LRRC27: variants seen among roughly 807,000 people sequenced by gnomAD.
LRRC27 encodes the protein leucine-rich repeat-containing protein 27.
LRRC27 carries 57 observed loss-of-function variants against 55.0 expected under a neutral mutation model. The observed-to-expected ratio is 1.04, with a 90% CI of 0.84 to 1.29. The LOEUF (loss-of-function observed/expected upper bound fraction) is 1.29, where lower values mean the gene tolerates loss of function less well. Among genes scored for constraint, LRRC27 ranks in the 50% most tolerant of loss-of-function variants. LRRC27 has a pLI of 0.00. For synonymous variants in LRRC27, 278 were observed against 251.9 expected (o/e 1.10, Z -0.98); for missense variants, 721 against 651.5 (o/e 1.11, Z -1.16).
chr10:132,337,590 T>C lies in LRRC27; in HGVS notation c.236T>C (p.Leu79Pro). The C allele has an allele frequency of 6.2e-7, 1 of 1,614,184 alleles. No homozygotes were observed. The highest frequency in any genetic ancestry group is 1.1e-5 in the South Asian group (1 of 91,078). The change falls in exon 3 of 11, where the codon CTG (leucine) becomes CCG (proline). Residue 79 changes from leucine to proline, a missense_variant. By Grantham distance (98) the Leu-to-Pro change is moderately conservative (BLOSUM62 -3). Coordinates refer to ENST00000368614, the MANE Select transcript of LRRC27 (RefSeq NM_030626.3). The stretch of plus-strand genomic sequence containing the variant: ...CAATTGCATCTGCAAAGGAATGCCC[T>C]GTGTGTGATTCCTCAAGATTTCTTT... The part of the protein sequence containing the change: ...LQQLHLQRNA[L>P]CVIPQDFFQL...
At chr10:132,357,504 T>A (rs1391994234) in intron 8 of LRRC27, among the ~76,000 whole-genome samples, 2 of 152,214 alleles carry the variant, frequency 1.3e-5, no homozygotes, top group African/African-American at 4.8e-5. Context: ...TCAGTGATCA[T>A]ATCCACTGGC....
intron 7 of LRRC27, among the ~76,000 whole-genome samples, chr10:132,352,048 T>TC (rs1564839690): frequency 9.5e-5 from 8 of 84,380 alleles, no homozygotes; most frequent in Non-Finnish European, 1.4e-4. Context: ...GGGCAGGCGC[T>TC]GAGGCCTCCG....
intron 3 of LRRC27, among the ~76,000 whole-genome samples, chr10:132,340,407 C>T (rs368332883): frequency 6.6e-6 from 1 of 152,152 alleles, no homozygotes; most frequent in Non-Finnish European, 1.5e-5. Flanking sequence ...CCCAGCAGCA[C>T]GTGAGTGGGC....
At chr10:132,340,693 C>T (rs552469738) in intron 3 of LRRC27, among the ~76,000 whole-genome samples, 5 of 152,054 alleles carry the variant, frequency 3.3e-5, no homozygotes, top group East Asian at 1.9e-4. Context: ...TGGCCAGGCA[C>T]GGTGGCTCAC....
intron 7 of LRRC27, among the ~76,000 whole-genome samples, chr10:132,354,720 CA>C (rs1457903468): frequency 6.6e-6 from 1 of 152,200 alleles, no homozygotes; most frequent in Non-Finnish European, 1.5e-5. Context: ...GCTGTGACCG[CA>C]AGGAAGGAGA....
At chr10:132,331,947 C>A (rs1366476660), upstream of LRRC27, 29 of 568,856 alleles carry the variant, frequency 5.1e-5, no homozygotes, top group Admixed American at 2.0e-4. Flanking sequence ...CCCCCCGCCC[C>A]AGCGCAGGCG....
intron 4 of LRRC27, 117 bp from the exon 5 acceptor site, chr10:132,344,381 C>T (rs1464727330): frequency 1.1e-5 from 12 of 1,126,276 alleles, no homozygotes; most frequent in African/African-American, 1.5e-5. Context: ...GTGATTTTCC[C>T]CCAAATACTG....
chr10:132,336,936 G>T, intron 2 of LRRC27: 2 of 622,652 alleles, frequency 3.2e-6, no homozygotes, highest in African/African-American at 1.9e-5. Context: ...ATTTTACACA[G>T]CTAAAATCAG....
chr10:132,355,417 G>A (rs1468266842), intron 7 of LRRC27, among the ~76,000 whole-genome samples: 7 of 152,138 alleles, frequency 4.6e-5, no homozygotes, highest in Admixed American at 1.3e-4. Flanking sequence ...ACCTTATGTC[G>A]ACAAGTGCCC....
chr10:132,345,934 A>T (rs894996761), intron 5 of LRRC27, among the ~76,000 whole-genome samples: 1 of 152,238 alleles, frequency 6.6e-6, no homozygotes, highest in African/African-American at 2.4e-5. Flanking sequence ...GACAAATATG[A>T]TAAAGGACAT....
At chr10:132,343,515 A>G (rs1050582024) in intron 4 of LRRC27, among the ~76,000 whole-genome samples, 2 of 152,244 alleles carry the variant, frequency 1.3e-5, no homozygotes, top group African/African-American at 2.4e-5. Flanking sequence ...GAAGACTAAA[A>G]ATGGATGACA....
rs980213711 is a variant in LRRC27, at chr10:132,343,110, C to T, written c.400+839C>T. ...ATCCCCTGAAGCCAGGAGTTTGAAA[C>T]CAGCCTGGGTAACATAGTGAGACCC... On this transcript the variant is annotated intron_variant, in intron 4 of 10. Coordinates refer to ENST00000368614, the MANE Select transcript of LRRC27 (RefSeq NM_030626.3). 3.3e-5 allele frequency among the ~76,000 whole-genome samples: 5 copies of T among 152,206 alleles called. No homozygotes were observed. In the South Asian group the frequency reaches 1.0e-3, roughly 32 times the overall value.
intron 3 of LRRC27, among the ~76,000 whole-genome samples, chr10:132,339,098 CGTGGCTGGCCACGGCAGGGCCTGGGT>C (rs1691808190): frequency 6.6e-6 from 1 of 152,152 alleles, no homozygotes; most frequent in South Asian, 2.1e-4. Context: ...GCAGCCTGGG[CGTGGCTGGCCACGGCAGGGCCTGGGT>C]GGGACTTCAG....
At chr10:132,333,328 T>TTTTTA (rs397963683) in intron 1 of LRRC27, 149 bp from the exon 2 acceptor site, 1 of 425,294 alleles carries the variant, frequency 2.4e-6, no homozygotes, top group African/African-American at 2.1e-5. Flanking sequence ...TTTTTTTTTT[T>TTTTTA]ACATGTTTAA....
rs1331306391 is a variant in LRRC27 at position 132,344,647 on chromosome 10, C to T, written c.550C>T (p.Gln184Ter). 3 of 1,613,646 alleles carry T rather than the reference C, an allele frequency of 1.9e-6. No individual in the cohort carries two copies. Among genetic ancestry groups the T allele is most frequent in the Non-Finnish European group, 2.5e-6 (3 of 1,179,734 alleles). Residue 184 changes from glutamine (Q) to a stop codon, truncating the protein, a stop_gained, in exon 5 of 11, where the codon CAA becomes TAA. Transcript: ENST00000368614. LOFTEE classifies it high-confidence loss of function. ...CTCTCTCCCCAGAAATCCAACTTCT[C>T]AAGGTTTGTAGGAGGTGATTTATGA... is the stretch of plus-strand genomic sequence containing the variant. The part of the protein sequence containing the change: ...EHSLPRNPTS[Q>*]EAPPVREMTL...
chr10:132,338,101 A>C (rs1246678386), intron 3 of LRRC27, among the ~76,000 whole-genome samples: 1 of 152,208 alleles, frequency 6.6e-6, no homozygotes, highest in Non-Finnish European at 1.5e-5. Flanking sequence ...AGATCACCTG[A>C]GGTCAGGAGT....
chr10:132,367,458 T>C (rs867792083), intron 10 of LRRC27, among the ~76,000 whole-genome samples: 2 of 152,220 alleles, frequency 1.3e-5, no homozygotes, highest in African/African-American at 4.8e-5. Context: ...AAAGGAAAAG[T>C]GTAGACCAAT....
At chr10:132,361,858 T>C (rs1330853284) in intron 9 of LRRC27, among the ~76,000 whole-genome samples, 1 of 151,980 alleles carries the variant, frequency 6.6e-6, no homozygotes, top group Non-Finnish European at 1.5e-5. Context: ...TGGGTGCTGC[T>C]GTGGGCGCCA....
At chr10:132,351,012 T>C (rs2067980416) in intron 6 of LRRC27, 1 of 153,442 alleles carries the variant, frequency 6.5e-6, no homozygotes, top group Non-Finnish European at 1.5e-5. Context: ...TGTTACTGGC[T>C]ATCCCCTCTG....
Sources: allele counts gnomAD v4.1 joint callset (sites outside exome capture counted in the v4.1 genomes callset), GRCh38; gene constraint gnomAD v4.1.1; transcripts MANE v1.5; gene names NCBI Gene and HGNC (gene_info 2026-07-23, HGNC 2026-07-21).